The following KHDRBS2 variants were observed in gnomAD, a reference collection of about 807,000 sequenced individuals.
KHDRBS2 encodes the protein KH RNA binding domain containing, signal transduction associated 2.
In KHDRBS2, 26 loss-of-function variants were observed where a neutral mutation model predicts 44.3. The ratio of observed to expected loss-of-function variants is 0.59; its 90% CI spans 0.43 to 0.81. The LOEUF (loss-of-function observed/expected upper bound fraction) is 0.81, where lower values mean the gene tolerates loss of function less well. KHDRBS2 is among the 40% of genes least tolerant of loss of function. The pLI is 0.00. For missense variants in KHDRBS2, 476 were observed against 433.1 expected (o/e 1.10, Z -0.88); for synonymous variants, 194 against 151.1 (o/e 1.28, Z -2.08).
intron 4 of KHDRBS2, among the ~76,000 whole-genome samples, chr6:61,958,942 C>T (rs781435649): frequency 4.6e-5 from 7 of 152,122 alleles, no homozygotes; most frequent in Admixed American, 4.6e-4. Context: ...ACTTAGATTG[C>T]TGTGGTCAGT....
chr6:62,038,204 C>T (rs1026981102), intron 3 of KHDRBS2, among the ~76,000 whole-genome samples: 1 of 151,850 alleles, frequency 6.6e-6, no homozygotes, highest in Non-Finnish European at 1.5e-5. Flanking sequence ...TATTTGTATC[C>T]CTGGCATTTC....
the KHDRBS2 span, among the ~76,000 whole-genome samples, chr6:61,627,387 A>G: frequency 6.6e-6 from 1 of 152,088 alleles, no homozygotes; most frequent in Non-Finnish European, 1.5e-5. Flanking sequence ...TAGCATAAAC[A>G]CCTGAGTTTA....
At chr6:62,270,487 C>A (rs142882720) in intron 1 of KHDRBS2, among the ~76,000 whole-genome samples, 183 of 151,998 alleles carry the variant, frequency 1.2e-3, no homozygotes, top group Admixed American at 2.4e-3. Flanking sequence ...AACCTATTTT[C>A]TTTATAAATT....
intron 6 of KHDRBS2, among the ~76,000 whole-genome samples, chr6:61,789,122 T>C (rs1174236233): frequency 6.6e-6 from 1 of 151,468 alleles, no homozygotes; most frequent in African/African-American, 2.4e-5. Flanking sequence ...GTGGTTGGCA[T>C]CTAATAATCT....
intron 6 of KHDRBS2, among the ~76,000 whole-genome samples, chr6:61,798,823 T>A (rs748364327): frequency 6.6e-6 from 1 of 151,936 alleles, no homozygotes; most frequent in Non-Finnish European, 1.5e-5. Flanking sequence ...ATACATACCT[T>A]TATTATATAT....
chr6:61,967,198 T>C (rs1290088102), intron 4 of KHDRBS2, among the ~76,000 whole-genome samples: 1 of 52,074 alleles, frequency 1.9e-5, no homozygotes, highest in African/African-American at 5.8e-5. Context: ...CTTTCCACTA[T>C]GTTTACAAAA....
intron 7 of KHDRBS2, among the ~76,000 whole-genome samples, chr6:61,702,365 T>C (rs1768822931): frequency 6.6e-6 from 1 of 151,964 alleles, no homozygotes; most frequent in South Asian, 2.1e-4. Flanking sequence ...GATCAGTGAA[T>C]GATGCCATGG....
the KHDRBS2 span, among the ~76,000 whole-genome samples, chr6:61,595,257 A>G: frequency 3.9e-5 from 6 of 152,130 alleles, no homozygotes; most frequent in African/African-American, 1.4e-4. Flanking sequence ...TCTCAAAGAA[A>G]TATCTTCAGG....
At chr6:61,602,088 A>C in the KHDRBS2 span, among the ~76,000 whole-genome samples, 2 of 152,240 alleles carry the variant, frequency 1.3e-5, no homozygotes, top group East Asian at 3.9e-4. Context: ...AGGCCGTCTT[A>C]TTCTCAATAT....
At chr6:62,174,835 A>G (rs1820764340) in intron 2 of KHDRBS2, among the ~76,000 whole-genome samples, 1 of 151,774 alleles carries the variant, frequency 6.6e-6, no homozygotes, top group Non-Finnish European at 1.5e-5. Context: ...TTTTATTATA[A>G]AAGATTAAAT....
the KHDRBS2 span, among the ~76,000 whole-genome samples, chr6:61,565,172 T>G: frequency 6.6e-6 from 1 of 151,998 alleles, no homozygotes; most frequent in Non-Finnish European, 1.5e-5. Context: ...TAAAATAAAA[T>G]GGATTAAAGA....
At chr6:61,717,214 C>T (rs1771588656) in intron 7 of KHDRBS2, among the ~76,000 whole-genome samples, 1 of 151,822 alleles carries the variant, frequency 6.6e-6, no homozygotes, top group Non-Finnish European at 1.5e-5. Context: ...TCAAAATTAA[C>T]CTTAAATTAA....
At chr6:61,908,902 A>G (rs1805543322) in intron 4 of KHDRBS2, among the ~76,000 whole-genome samples, 1 of 152,138 alleles carries the variant, frequency 6.6e-6, no homozygotes, top group Non-Finnish European at 1.5e-5. Flanking sequence ...AGTAAATAAA[A>G]TATCCACACT....
chr6:62,276,044 A>G (rs1840883841), intron 1 of KHDRBS2, among the ~76,000 whole-genome samples: 1 of 152,152 alleles, frequency 6.6e-6, no homozygotes, highest in Non-Finnish European at 1.5e-5. Context: ...CCCTCTCCTG[A>G]GTTGCAGTCA....
the KHDRBS2 span, among the ~76,000 whole-genome samples, chr6:61,672,727 T>C: frequency 2.0e-5 from 3 of 150,926 alleles, no homozygotes; most frequent in South Asian, 2.1e-4. Context: ...TTTGAGTTCA[T>C]TGTAGATTCT....
the KHDRBS2 span, among the ~76,000 whole-genome samples, chr6:61,651,221 T>A: frequency 6.6e-6 from 1 of 152,128 alleles, no homozygotes; most frequent in Admixed American, 6.6e-5. Context: ...GAGTGAGCAT[T>A]CCTTATTTGA....
chr6:62,125,115 G>A (rs1475773549), intron 2 of KHDRBS2, among the ~76,000 whole-genome samples: 1 of 152,114 alleles, frequency 6.6e-6, no homozygotes, highest in Admixed American at 6.5e-5. Flanking sequence ...CACTGAAGAG[G>A]GTAAGAAAGA....
At chr6:61,844,441 TCAGA>T (rs1794067400) in intron 6 of KHDRBS2, among the ~76,000 whole-genome samples, 1 of 152,144 alleles carries the variant, frequency 6.6e-6, no homozygotes, top group African/African-American at 2.4e-5. Flanking sequence ...ATCTTATAAA[TCAGA>T]TGAACAGGTT....
chr6:62,109,816 G>A (rs989441236), intron 2 of KHDRBS2, among the ~76,000 whole-genome samples: 3 of 150,974 alleles, frequency 2.0e-5, no homozygotes, highest in African/African-American at 4.9e-5. Context: ...AAAAGAGGGA[G>A]AGAAGGAAAG....
Sources: allele counts gnomAD v4.1 joint callset (sites outside exome capture counted in the v4.1 genomes callset), GRCh38; gene constraint gnomAD v4.1.1; transcripts MANE v1.5; gene names NCBI Gene and HGNC (gene_info 2026-07-23, HGNC 2026-07-21).